HOMER2: variants seen among roughly 807,000 people sequenced by gnomAD.
HOMER2 encodes homer protein homolog 2.
A neutral mutation model predicts 47.0 loss-of-function variants in HOMER2; 27 were observed. The ratio of observed to expected loss-of-function variants is 0.57; its 90% CI spans 0.42 to 0.79. The LOEUF is 0.79. HOMER2 is among the 30% of genes least tolerant of loss of function. The pLI is 0.00. For missense variants in HOMER2, 443 were observed against 435.0 expected (o/e 1.02, Z -0.16); for synonymous variants, 161 against 163.8 (o/e 0.98, Z 0.13).
chr15:82,925,308 G>T (rs151178926), intron 1 of HOMER2, among the ~76,000 whole-genome samples: 1 of 152,254 alleles, frequency 6.6e-6, no homozygotes, highest in Non-Finnish European at 1.5e-5. Context: ...CAGTAAGATG[G>T]GGCATTAGGC....
chr15:82,842,312 T>G (rs2051184040), exon 2 of HOMER2: 1 of 151,908 alleles, frequency 6.6e-6, no homozygotes, highest in East Asian at 1.9e-4. Flanking sequence ...GTTTTTTTTT[T>G]GTTTTGTTTT....
At chr15:82,908,815 G>A (rs1252692873) in intron 1 of HOMER2, among the ~76,000 whole-genome samples, 1 of 151,988 alleles carries the variant, frequency 6.6e-6, no homozygotes, top group East Asian at 1.9e-4. Flanking sequence ...AAATTGTCTG[G>A]CTTGGGCAAC....
rs1239961151 is a variant in HOMER2, at chr15:82,852,232, T to C, written c.672A>G (p.Gln224=). The C allele has an allele frequency of 6.2e-7, 1 of 1,613,778 alleles. No homozygotes were observed. The highest frequency in any genetic ancestry group is 8.5e-7 in the Non-Finnish European group (1 of 1,179,734). The change falls in exon 7 of 9, where the codon CAA becomes CAG. Residue 224 remains glutamine (Q), a synonymous_variant. Transcript: ENST00000450735. ...CCTTCTCTCTGTTGATCTCACTGCA[T>C]TGTTCTTCCAGCTCATCAATCTTCA... ...LRNKIDELEE[Q]CSEINREKEK... is the part of the protein sequence containing the mutation.
chr15:82,980,123 T>C (rs559707815), intron 1 of HOMER2, among the ~76,000 whole-genome samples: 1 of 152,128 alleles, frequency 6.6e-6, no homozygotes, highest in East Asian at 1.9e-4. Context: ...TATACACATA[T>C]ATATATTTAA....
intron 1 of HOMER2, among the ~76,000 whole-genome samples, chr15:82,910,055 C>G (rs1385672952): frequency 1.4e-5 from 2 of 145,762 alleles, no homozygotes; most frequent in African/African-American, 5.2e-5. Flanking sequence ...ATCGCTTGAA[C>G]CTGGGAGGTA....
At chr15:82,974,053 G>A (rs373224171) in intron 1 of HOMER2, among the ~76,000 whole-genome samples, 11 of 151,916 alleles carry the variant, frequency 7.2e-5, no homozygotes, top group African/African-American at 2.2e-4. Context: ...CACAGAGATC[G>A]TGCCACTGCA....
chr15:82,902,265 T>C (rs2053146205), intron 1 of HOMER2, among the ~76,000 whole-genome samples: 1 of 147,022 alleles, frequency 6.8e-6, no homozygotes, highest in Admixed American at 7.0e-5. Context: ...TGGTGCAATC[T>C]CGGCTCACTG....
chr15:82,973,294 A>G (rs1177227101), intron 1 of HOMER2, among the ~76,000 whole-genome samples: 4 of 152,134 alleles, frequency 2.6e-5, no homozygotes, highest in African/African-American at 9.7e-5. Context: ...TATCCCTTCC[A>G]TGGGCAGGGC....
intron 1 of HOMER2, among the ~76,000 whole-genome samples, chr15:82,917,425 T>C (rs954683574): frequency 1.3e-5 from 2 of 152,114 alleles, no homozygotes; most frequent in African/African-American, 2.4e-5. Flanking sequence ...CTTGGGGAAA[T>C]AGCACAGGCA....
intron 1 of HOMER2, among the ~76,000 whole-genome samples, chr15:82,972,740 G>A (rs556403150): frequency 6.6e-6 from 1 of 152,158 alleles, no homozygotes; most frequent in Admixed American, 6.5e-5. Context: ...CAAGAAAATG[G>A]AGATTGCCTC....
At chr15:82,858,976 A>T in intron 5 of HOMER2, 53 bp downstream of exon 5, 1 of 1,576,160 alleles carries the variant, frequency 6.3e-7, no homozygotes, top group Non-Finnish European at 8.7e-7. Flanking sequence ...AAAGGCTTCT[A>T]GGGAAGTGCT....
intron 1 of HOMER2, among the ~76,000 whole-genome samples, chr15:82,944,466 T>TG (rs1165877449): frequency 6.6e-6 from 1 of 152,146 alleles, no homozygotes; most frequent in Non-Finnish European, 1.5e-5. Flanking sequence ...ATTTTCACCC[T>TG]GGGGGGAAAA....
At chr15:82,908,835 A>C (rs1256385018) in intron 1 of HOMER2, among the ~76,000 whole-genome samples, 1 of 151,536 alleles carries the variant, frequency 6.6e-6, no homozygotes, top group Non-Finnish European at 1.5e-5. Context: ...CTGAGAGGAG[A>C]TTTTAGTCAT....
intron 5 of HOMER2, among the ~76,000 whole-genome samples, chr15:82,856,083 G>A (rs1463037835): frequency 3.3e-5 from 5 of 152,266 alleles, no homozygotes; most frequent in African/African-American, 7.2e-5. Flanking sequence ...CAAGGACCTC[G>A]AGGACTTGGA....
chr15:82,934,512 GCA>G (rs2054095871), intron 1 of HOMER2, among the ~76,000 whole-genome samples: 2 of 149,400 alleles, frequency 1.3e-5, no homozygotes, highest in African/African-American at 2.4e-5. Flanking sequence ...CCAGTTCCCC[GCA>G]CATGCATTTC....
intron 1 of HOMER2, among the ~76,000 whole-genome samples, chr15:82,977,983 C>T (rs1243657460): frequency 6.6e-6 from 1 of 152,116 alleles, no homozygotes; most frequent in East Asian, 1.9e-4. Flanking sequence ...AACCCCGTCT[C>T]TACTAAAAAT....
At chr15:82,894,537 G>T (rs902588542) in intron 1 of HOMER2, among the ~76,000 whole-genome samples, 3 of 151,976 alleles carry the variant, frequency 2.0e-5, no homozygotes, top group African/African-American at 7.3e-5. Context: ...TGGGCATGGT[G>T]GCGGGTGCCT....
At chr15:82,973,129 T>C (rs1489754557) in intron 1 of HOMER2, among the ~76,000 whole-genome samples, 2 of 152,228 alleles carry the variant, frequency 1.3e-5, no homozygotes, top group Non-Finnish European at 2.9e-5. Flanking sequence ...GCTACAGCAG[T>C]GTCTAATATG....
At chr15:82,839,028 G>C in exon 2 of HOMER2, 1 of 152,148 alleles carries the variant, frequency 6.6e-6, no homozygotes, top group East Asian at 1.9e-4. Context: ...GGAAGGCCAA[G>C]GCAGGAGGAT....
Sources: gnomAD v4.1 joint callset for allele counts (sites outside exome capture counted in the v4.1 genomes callset) on GRCh38, gnomAD v4.1.1 for gene constraint, MANE v1.5 for transcripts, NCBI Gene and HGNC (gene_info 2026-07-23, HGNC 2026-07-21) for gene names.